Variants in DLGAP2 observed in about 807,000 individuals in gnomAD.
The protein encoded by DLGAP2 is disks large-associated protein 2.
DLGAP2 carries 26 observed loss-of-function variants against 100.3 expected under a neutral mutation model. The observed-to-expected ratio is 0.26, with a 90% CI of 0.19 to 0.36. DLGAP2 has a LOEUF of 0.36. DLGAP2 is among the 10% of genes least tolerant of loss of function. The pLI, the probability that DLGAP2 is intolerant of heterozygous loss-of-function variation, is 1.00. For missense variants in DLGAP2, 1,858 were observed against 1,453.2 expected, an observed-to-expected ratio of 1.28 and a Z score of -4.53; for synonymous variants, 886 against 630.1, an observed-to-expected ratio of 1.41 and a Z score of -6.08.
chr8:974,928 A>G (rs1465419186), intron 2 of DLGAP2, among the ~76,000 whole-genome samples: 2 of 152,204 alleles, frequency 1.3e-5, no homozygotes, highest in Non-Finnish European at 2.9e-5. Context: ...AAAATAAGAT[A>G]TTGGTATAGA....
intron 2 of DLGAP2, among the ~76,000 whole-genome samples, chr8:940,392 G>C (rs773601600): frequency 1.3e-5 from 2 of 151,910 alleles, no homozygotes; most frequent in African/African-American, 2.4e-5. Context: ...GAGAGAGAGG[G>C]AAAAGGGTGC....
At chr8:1,275,206 G>T (rs895707342) in intron 3 of DLGAP2, among the ~76,000 whole-genome samples, 109 of 152,152 alleles carry the variant, frequency 7.2e-4, no homozygotes, top group Non-Finnish European at 7.8e-4. Flanking sequence ...AATGTTAAGG[G>T]GAGGGAAAAA....
intron 3 of DLGAP2, among the ~76,000 whole-genome samples, chr8:1,383,668 G>T (rs981137174): frequency 6.6e-6 from 1 of 152,158 alleles, no homozygotes; most frequent in Admixed American, 6.5e-5. Flanking sequence ...GACAGGTGCC[G>T]TCCACCTGGC....
At chr8:1,277,329 T>G (rs574899126) in intron 3 of DLGAP2, among the ~76,000 whole-genome samples, 1 of 152,258 alleles carries the variant, frequency 6.6e-6, no homozygotes, top group South Asian at 2.1e-4. Flanking sequence ...TGTTGCTATT[T>G]CAAATTAATC....
chr8:1,618,995 T>G (rs1402752716), intron 6 of DLGAP2, among the ~76,000 whole-genome samples: 1 of 152,134 alleles, frequency 6.6e-6, no homozygotes, highest in Non-Finnish European at 1.5e-5. Flanking sequence ...AATAGATCCG[T>G]GTGACAGAAT....
chr8:1,082,499 C>T (rs911176260), intron 2 of DLGAP2, among the ~76,000 whole-genome samples: 2 of 152,170 alleles, frequency 1.3e-5, no homozygotes, highest in African/African-American at 4.8e-5. Context: ...TGATAGCAAA[C>T]TCATGCACAA....
intron 1 of DLGAP2, among the ~76,000 whole-genome samples, chr8:876,870 T>C (rs763325671): frequency 4.1e-4 from 62 of 152,170 alleles, no homozygotes; most frequent in Non-Finnish European, 6.9e-4. Flanking sequence ...TGGATCTGTT[T>C]TGCAGTTTGC....
At chr8:1,367,943 C>T (rs1802145810) in intron 3 of DLGAP2, among the ~76,000 whole-genome samples, 1 of 152,202 alleles carries the variant, frequency 6.6e-6, no homozygotes, top group Non-Finnish European at 1.5e-5. Context: ...ATCTTTAGTG[C>T]CTGGCATGGA....
At chr8:1,432,613 TTTAAG>T (rs1177803419) in intron 3 of DLGAP2, among the ~76,000 whole-genome samples, 12 of 152,292 alleles carry the variant, frequency 7.9e-5, no homozygotes, top group East Asian at 7.7e-4. Context: ...GTCAAGGCCT[TTTAAG>T]TTAATTGTAA....
chr8:1,406,862 A>C (rs1459224797), intron 3 of DLGAP2, among the ~76,000 whole-genome samples: 3 of 16,498 alleles, frequency 1.8e-4, no homozygotes, highest in African/African-American at 3.7e-4. Flanking sequence ...ACTGAGCGCC[A>C]CCTCCTCGTC....
At chr8:1,006,214 C>G (rs962791882) in intron 2 of DLGAP2, among the ~76,000 whole-genome samples, 1 of 152,056 alleles carries the variant, frequency 6.6e-6, no homozygotes, top group South Asian at 2.1e-4. Context: ...AATCTCATGC[C>G]CCACCATCCC....
chr8:1,203,656 A>G (rs1398581995), intron 2 of DLGAP2, among the ~76,000 whole-genome samples: 2 of 152,230 alleles, frequency 1.3e-5, no homozygotes, highest in Non-Finnish European at 2.9e-5. Context: ...CAAGGAATGG[A>G]TGACGGTGCG....
chr8:1,312,902 A>T (rs1326613322), intron 3 of DLGAP2, among the ~76,000 whole-genome samples: 1 of 152,232 alleles, frequency 6.6e-6, no homozygotes, highest in Non-Finnish European at 1.5e-5. Flanking sequence ...AGGGAGCACC[A>T]TGAAGCCCAT....
intron 3 of DLGAP2, among the ~76,000 whole-genome samples, chr8:1,442,226 G>C (rs937992825): frequency 5.7e-5 from 6 of 104,624 alleles, no homozygotes; most frequent in Non-Finnish European, 1.4e-4. Context: ...CACCGGGGGA[G>C]ACGGACCCAG....
intron 1 of DLGAP2, among the ~76,000 whole-genome samples, chr8:801,317 GCAGT>G (rs1258207125): frequency 6.6e-6 from 1 of 152,186 alleles, no homozygotes; most frequent in Non-Finnish European, 1.5e-5. Flanking sequence ...GAGGAGTGCA[GCAGT>G]GGACCTTAGG....
intron 4 of DLGAP2, among the ~76,000 whole-genome samples, chr8:1,507,677 T>TG (rs1799975945): frequency 6.6e-6 from 1 of 151,832 alleles, no homozygotes; most frequent in Admixed American, 6.6e-5. Flanking sequence ...GAAGCAGTGA[T>TG]GTGCTGAGCT....
chr8:979,828 G>A (rs553224971), intron 2 of DLGAP2, among the ~76,000 whole-genome samples: 32 of 152,356 alleles, frequency 2.1e-4, no homozygotes, highest in South Asian at 6.2e-4. Context: ...TGAAAGAAGG[G>A]AAACATTTGC....
intron 3 of DLGAP2, among the ~76,000 whole-genome samples, chr8:1,392,255 C>T (rs963316405): frequency 2.0e-5 from 3 of 152,140 alleles, no homozygotes; most frequent in African/African-American, 7.2e-5. Flanking sequence ...AGTCATTCCT[C>T]CATGAGTCCA....
In DLGAP2 at chr8:966,217, G is replaced by A. The variant is rs184875706; in HGVS notation, c.73+58251G>A. Among the ~76,000 whole-genome samples, 16 of 152,304 alleles carry A rather than the reference G, an allele frequency of 1.1e-4. 1 individual carries two copies. The East Asian group carries it at 3.1e-3, about 29-fold the overall frequency. ...AATCCATAGGAATTTGAGTTTCAGC[G>A]ATTGTTCCAGGCAGCGTTTTCCCAG... is the stretch of plus-strand genomic sequence containing the variant. On this transcript the variant is annotated intron_variant, in intron 2 of 14. Coordinates refer to ENST00000637795, the MANE Select transcript of DLGAP2 (RefSeq NM_001346810.2).
Sources: gnomAD v4.1 joint callset for allele counts (sites outside exome capture counted in the v4.1 genomes callset) on GRCh38, gnomAD v4.1.1 for gene constraint, MANE v1.5 for transcripts, NCBI Gene and HGNC (gene_info 2026-07-23, HGNC 2026-07-21) for gene names.